Variants in MRPS35 observed in about 807,000 individuals in gnomAD.
MRPS35 encodes mitochondrial ribosomal protein S35.
Under a neutral mutation model 32.7 loss-of-function variants are expected in MRPS35, and 29 were observed. That is an observed-to-expected ratio of 0.89 (90% CI 0.66 to 1.21). The LOEUF is 1.21. Among genes scored for constraint, MRPS35 ranks in the 50% most tolerant of loss-of-function variants. The pLI is 0.00. For synonymous variants in MRPS35, 148 were observed against 139.3 expected, an observed-to-expected ratio of 1.06 and a Z score of -0.44; for missense variants, 373 against 383.8, an observed-to-expected ratio of 0.97 and a Z score of 0.23.
intron 5 of MRPS35, among the ~76,000 whole-genome samples, chr12:27,728,464 A>G (rs1008191549): frequency 2.6e-5 from 4 of 152,150 alleles, no homozygotes; most frequent in Non-Finnish European, 5.9e-5. Context: ...AAAATACTTC[A>G]GTGTGTTATC....
chr12:27,742,031 G>A (rs2061966078), intron 7 of MRPS35, among the ~76,000 whole-genome samples: 1 of 152,126 alleles, frequency 6.6e-6, no homozygotes. Context: ...TGGAGGCTGG[G>A]GCAGGAGGAT....
At chr12:27,753,966 A>T (rs894752127) in intron 7 of MRPS35, among the ~76,000 whole-genome samples, 14 of 152,254 alleles carry the variant, frequency 9.2e-5, no homozygotes. Context: ...ATAAAATTCC[A>T]GGATAGGCTG....
At chr12:27,721,593 C>T (rs936397740) in intron 4 of MRPS35, among the ~76,000 whole-genome samples, 1 of 151,962 alleles carries the variant, frequency 6.6e-6, no homozygotes, top group Non-Finnish European at 1.5e-5. Flanking sequence ...GAGATTGAGG[C>T]GGCAGTGAGC....
chr12:27,724,213 TTA>T, intron 5 of MRPS35, 27 bp downstream of exon 5: 3 of 1,527,866 alleles, frequency 2.0e-6, no homozygotes, highest in African/African-American at 1.4e-5. Context: ...TTTTTTTTTT[TTA>T]AATAAGAATC....
At chr12:27,719,943 T>C (rs1051107130) in intron 4 of MRPS35, 75 bp downstream of exon 4, 3 of 1,069,586 alleles carry the variant, frequency 2.8e-6, no homozygotes, top group South Asian at 2.8e-5. Context: ...TCTGATATAC[T>C]GTATAGCCTT....
intron 5 of MRPS35, among the ~76,000 whole-genome samples, chr12:27,724,504 A>G (rs2061891743): frequency 6.6e-6 from 1 of 152,226 alleles, no homozygotes; most frequent in South Asian, 2.1e-4. Flanking sequence ...GCACTTTGGG[A>G]GGCCGAGTCA....
chr12:27,718,509 C>G (rs1203418486), intron 3 of MRPS35, among the ~76,000 whole-genome samples: 3 of 152,148 alleles, frequency 2.0e-5, no homozygotes, highest in Non-Finnish European at 4.4e-5. Flanking sequence ...TCCAAATGAG[C>G]CTTTAAGCTC....
chr12:27,726,511 T>C (rs2061901190), intron 5 of MRPS35, among the ~76,000 whole-genome samples: 2 of 152,144 alleles, frequency 1.3e-5, no homozygotes, highest in Non-Finnish European at 1.5e-5. Flanking sequence ...TACCTAGCAG[T>C]GGAATGACTG....
chr12:27,736,574 A>G (rs2061944082), intron 6 of MRPS35, among the ~76,000 whole-genome samples: 1 of 151,762 alleles, frequency 6.6e-6, no homozygotes, highest in African/African-American at 2.4e-5. Context: ...AGAGTAGAGG[A>G]CTTAAATAAA....
chr12:27,754,532 C>T (rs183958648), intron 7 of MRPS35, among the ~76,000 whole-genome samples: 4 of 151,858 alleles, frequency 2.6e-5, no homozygotes, highest in Admixed American at 6.6e-5. Flanking sequence ...TTTGAGAGGC[C>T]GTGGCAGAAT....
At position 27,710,918 on chromosome 12, in the gene MRPS35, C is replaced by A. The variant is rs555002144; in HGVS notation, c.75C>A (p.Ala25=). The change falls in exon 1 of 8, where the codon GCC becomes GCA. Residue 25 remains alanine, a synonymous_variant. Transcript: ENST00000081029. ...RARTLRAFST[A]VYSATPVPTP... is the part of the protein sequence containing the mutation. The stretch of plus-strand genomic sequence containing the variant: ...GGACTCTGCGTGCATTCTCCACTGC[C>A]GTCTACTCGGCCACTCCGGTCCCGA... 7 of 1,613,316 alleles carry A rather than the reference C, an allele frequency of 4.3e-6. No homozygotes were observed. The South Asian group carries it at 6.6e-5, about 15-fold the overall frequency.
intron 3 of MRPS35, among the ~76,000 whole-genome samples, chr12:27,717,863 AC>A (rs1269219332): frequency 5.3e-5 from 8 of 152,218 alleles, no homozygotes; most frequent in Non-Finnish European, 8.8e-5. Context: ...AAGCTTATTA[AC>A]TGAGCTAATG....
chr12:27,744,613 T>C (rs989134055), intron 7 of MRPS35, among the ~76,000 whole-genome samples: 3 of 152,254 alleles, frequency 2.0e-5, no homozygotes, highest in Non-Finnish European at 4.4e-5. Flanking sequence ...ACGCATCTCT[T>C]TAACATGAAG....
chr12:27,726,960 C>CT (rs140813983), intron 5 of MRPS35, among the ~76,000 whole-genome samples: 61,231 of 123,214 alleles, frequency 0.5, 16,212 homozygotes, highest in Admixed American at 0.6. Context: ...TGATGATGTC[C>CT]TTTTTTTTTT....
At chr12:27,725,030 C>T (rs778048166) in intron 5 of MRPS35, among the ~76,000 whole-genome samples, 9 of 152,172 alleles carry the variant, frequency 5.9e-5, no homozygotes, top group Non-Finnish European at 1.2e-4. Flanking sequence ...GATTGTCCTG[C>T]CTCAGCCTCC....
chr12:27,742,122 A>G (rs1275421178), intron 7 of MRPS35, among the ~76,000 whole-genome samples: 11 of 152,216 alleles, frequency 7.2e-5, no homozygotes, highest in Non-Finnish European at 1.6e-4. Context: ...AAGTTGGAGA[A>G]TTTTATACTT....
At chr12:27,748,361 A>G (rs967082110) in intron 7 of MRPS35, among the ~76,000 whole-genome samples, 3 of 152,096 alleles carry the variant, frequency 2.0e-5, no homozygotes, top group South Asian at 2.1e-4. Context: ...ACAGGATCAC[A>G]TGGAATGGAA....
In MRPS35 at chr12:27,723,357, T is replaced by G. The variant is rs555841820; in HGVS notation, c.383-690T>G. ...GAGGCATGTTCACAGTGCTTGGAGC[T>G]CCTGTTGTGGCCTAGGTCTCAGACC... On this transcript the variant is annotated intron_variant, in intron 4 of 7. Coordinates refer to ENST00000081029, the MANE Select transcript of MRPS35 (RefSeq NM_021821.4). 2.0e-5 allele frequency among the ~76,000 whole-genome samples: 3 copies of G among 152,196 alleles called. No individual in the cohort carries two copies. In the South Asian group the frequency reaches 6.2e-4, roughly 32 times the overall value.
intron 7 of MRPS35, among the ~76,000 whole-genome samples, chr12:27,744,927 A>G (rs1268843300): frequency 6.6e-6 from 1 of 152,130 alleles, no homozygotes; most frequent in African/African-American, 2.4e-5. Flanking sequence ...AAGGACACGA[A>G]AAAAGGGGTA....
Sources: gnomAD v4.1 joint callset for allele counts (sites outside exome capture counted in the v4.1 genomes callset) on GRCh38, gnomAD v4.1.1 for gene constraint, MANE v1.5 for transcripts, NCBI Gene and HGNC (gene_info 2026-07-23, HGNC 2026-07-21) for gene names.